The following CCDC7 variants were observed in gnomAD, a reference collection of about 807,000 sequenced individuals.
CCDC7 encodes the protein coiled-coil domain containing 7, also known as coiled-coil domain-containing protein 7.
Under a neutral mutation model 196.9 loss-of-function variants are expected in CCDC7, and 183 were observed. The ratio of observed to expected loss-of-function variants is 0.93; its 90% CI spans 0.82 to 1.05. The LOEUF is 1.05. CCDC7 is among the 50% of genes least tolerant of loss of function. The pLI is 0.00. For missense variants in CCDC7, 1,540 were observed against 1,482.2 expected (o/e 1.04, Z -0.64); for synonymous variants, 525 against 484.6 (o/e 1.08, Z -1.10).
At chr10:32,511,527 C>A in intron 9 of CCDC7, 1 of 1,604,330 alleles carries the variant, frequency 6.2e-7, no homozygotes, top group African/African-American at 1.3e-5. Flanking sequence ...CCTTGGGTTG[C>A]CAAATAAACC....
intron 20 of CCDC7, among the ~76,000 whole-genome samples, chr10:32,643,371 TTCTG>T (rs1383677935): frequency 1.2e-4 from 19 of 152,306 alleles, no homozygotes; most frequent in African/African-American, 4.6e-4. Flanking sequence ...TCTACTTGTT[TTCTG>T]TCTTTCTGGA....
intron 9 of CCDC7, among the ~76,000 whole-genome samples, chr10:32,504,510 A>T (rs1014590661): frequency 6.6e-6 from 1 of 152,052 alleles, no homozygotes; most frequent in Non-Finnish European, 1.5e-5. Flanking sequence ...TATTTATTTG[A>T]GATCATTATT....
chr10:32,475,591 G>C (rs900051712), intron 8 of CCDC7, among the ~76,000 whole-genome samples: 6 of 152,206 alleles, frequency 3.9e-5, no homozygotes, highest in African/African-American at 1.4e-4. Flanking sequence ...ACAATATGGA[G>C]AAAATGCTTT....
intron 18 of CCDC7, among the ~76,000 whole-genome samples, chr10:32,621,005 A>C (rs72795571): frequency 6.6e-6 from 1 of 152,040 alleles, no homozygotes. Context: ...CCCATCTCCA[A>C]CCTACTCTGC....
chr10:32,493,162 G>A (rs145479298), intron 9 of CCDC7, among the ~76,000 whole-genome samples: 1 of 151,218 alleles, frequency 6.6e-6, no homozygotes, highest in East Asian at 1.9e-4. Flanking sequence ...CAACATCTCC[G>A]CATTTTCCCC....
At chr10:32,538,827 T>A (rs1047255314) in intron 11 of CCDC7, among the ~76,000 whole-genome samples, 5 of 152,228 alleles carry the variant, frequency 3.3e-5, no homozygotes, top group African/African-American at 1.2e-4. Flanking sequence ...ATCCCAGGGA[T>A]AGAGCCTATT....
chr10:32,743,537 G>T (rs2074149052), intron 28 of CCDC7, among the ~76,000 whole-genome samples: 1 of 152,070 alleles, frequency 6.6e-6, no homozygotes. Context: ...TATGGTTTTA[G>T]GTCTAAGATT....
chr10:32,814,716 C>T (rs2135417584), intron 31 of CCDC7, among the ~76,000 whole-genome samples: 2 of 152,246 alleles, frequency 1.3e-5, no homozygotes, highest in Admixed American at 1.3e-4. Flanking sequence ...CCAGTTGACT[C>T]TATATGGTAA....
intron 8 of CCDC7, among the ~76,000 whole-genome samples, chr10:32,485,675 C>T (rs571962727): frequency 1.5e-4 from 23 of 152,234 alleles, no homozygotes; most frequent in African/African-American, 5.1e-4. Flanking sequence ...TGAATGTGTC[C>T]CAGAGATTCT....
At chr10:32,636,202 C>G (rs530867961) in intron 20 of CCDC7, among the ~76,000 whole-genome samples, 3 of 152,174 alleles carry the variant, frequency 2.0e-5, no homozygotes, top group African/African-American at 4.8e-5. Flanking sequence ...CACCACAGAT[C>G]TGGTTTTCAT....
chr10:32,520,254 G>A (rs2047677794), intron 11 of CCDC7, among the ~76,000 whole-genome samples: 1 of 152,014 alleles, frequency 6.6e-6, no homozygotes, highest in South Asian at 2.1e-4. Context: ...TTGCTGGATT[G>A]TATGGTAGCT....
intron 14 of CCDC7, among the ~76,000 whole-genome samples, chr10:32,566,021 A>T (rs1351478367): frequency 6.6e-6 from 1 of 152,210 alleles, no homozygotes; most frequent in African/African-American, 2.4e-5. Context: ...CTCTTTTTAA[A>T]ATTTTAGTTA....
intron 11 of CCDC7, among the ~76,000 whole-genome samples, chr10:32,526,940 GT>G (rs2048766125): frequency 6.6e-6 from 1 of 152,116 alleles, no homozygotes; most frequent in South Asian, 2.1e-4. Flanking sequence ...TGCCACCCAA[GT>G]TTACTGGCTT....
At chr10:32,489,355 T>C (rs116202930) in intron 8 of CCDC7, among the ~76,000 whole-genome samples, 215 of 152,286 alleles carry the variant, frequency 1.4e-3, no homozygotes, top group African/African-American at 5.0e-3. Context: ...CATTCTGGAA[T>C]GTGGTCACAC....
At chr10:32,764,401 GA>G (rs1263332219) in intron 28 of CCDC7, among the ~76,000 whole-genome samples, 1 of 151,804 alleles carries the variant, frequency 6.6e-6, no homozygotes, top group South Asian at 2.1e-4. Flanking sequence ...GGATGAAGAT[GA>G]AAAGAACAAA....
intron 20 of CCDC7, among the ~76,000 whole-genome samples, chr10:32,656,610 C>T (rs1015989013): frequency 1.3e-5 from 2 of 152,102 alleles, no homozygotes; most frequent in African/African-American, 2.4e-5. Flanking sequence ...TAACTGCCCC[C>T]GTGATTCAGT....
chr10:32,643,579 C>G (rs1454541742), intron 20 of CCDC7, among the ~76,000 whole-genome samples: 1 of 151,742 alleles, frequency 6.6e-6, no homozygotes, highest in African/African-American at 2.4e-5. Flanking sequence ...TCCATGTTTA[C>G]TTCTCTTTAA....
At chr10:32,499,900 CAG>C (rs1487922535) in intron 9 of CCDC7, among the ~76,000 whole-genome samples, 1 of 152,176 alleles carries the variant, frequency 6.6e-6, no homozygotes, top group Non-Finnish European at 1.5e-5. Context: ...GCACATGTTT[CAG>C]AGAGCATGGG....
At position 32,559,042 on chromosome 10, in the gene CCDC7, C is replaced by T. The variant is rs61788870; in HGVS notation, c.1135-6516C>T. Among the ~76,000 whole-genome samples the T allele has an allele frequency of 1.1e-4, 16 of 152,360 alleles. No homozygotes were observed. In the South Asian group the frequency reaches 1.9e-3, roughly 18 times the overall value. Reference sequence around the variant, plus strand: ...CCCGCACATGGCTTGGAGGGTCGTACGCCCACGGAGTCTCGCTGATTGCTA... The same window carrying T: ...CCCGCACATGGCTTGGAGGGTCGTATGCCCACGGAGTCTCGCTGATTGCTA... On this transcript the variant is annotated intron_variant, in intron 13 of 41. Transcript: ENST00000639629.
Sources: gnomAD v4.1 joint callset for allele counts (sites outside exome capture counted in the v4.1 genomes callset) on GRCh38, gnomAD v4.1.1 for gene constraint, MANE v1.5 for transcripts, NCBI Gene and HGNC (gene_info 2026-07-23, HGNC 2026-07-21) for gene names.